ARFGAP1: variants seen among roughly 807,000 people sequenced by gnomAD.
ARFGAP1 encodes ADP-ribosylation factor GTPase-activating protein 1.
In ARFGAP1, 26 loss-of-function variants were observed where a neutral mutation model predicts 54.0. The ratio of observed to expected loss-of-function variants is 0.48; its 90% CI spans 0.35 to 0.67. ARFGAP1 has a LOEUF of 0.67. Among genes scored for constraint, ARFGAP1 ranks in the 30% least tolerant of loss-of-function variants. The pLI is 0.00. For synonymous variants in ARFGAP1, 248 were observed against 211.9 expected, an observed-to-expected ratio of 1.17 and a Z score of -1.48; for missense variants, 525 against 535.8, an observed-to-expected ratio of 0.98 and a Z score of 0.20.
chr20:63,285,025 A>G, intron 10 of ARFGAP1, 103 bp downstream of exon 10: 4 of 1,378,710 alleles, frequency 2.9e-6, no homozygotes, highest in Non-Finnish European at 4.0e-6. Context: ...GCTGGGACTC[A>G]GCGAGGCCAA....
intron 9 of ARFGAP1, chr20:63,283,198 TGG>T: frequency 2.4e-6 from 1 of 412,444 alleles, no homozygotes; most frequent in South Asian, 2.9e-5. Context: ...AGGGCCGCTG[TGG>T]TTGGTGCTGT....
In ARFGAP1 at chr20:63,276,636, C is replaced by T. The variant is rs774162760; in HGVS notation, c.327C>T (p.Ala109=). 6 of 1,610,686 alleles carry T rather than the reference C, an allele frequency of 3.7e-6. No individual in the cohort carries two copies. In the East Asian group the frequency reaches 8.9e-5, roughly 24 times the overall value. The change falls in exon 4 of 13, where the codon GCC becomes GCT. Residue 109 remains alanine (A), a synonymous_variant. Coordinates refer to ENST00000370283, the MANE Select transcript of ARFGAP1 (RefSeq NM_018209.4). This position sits in a 1 kb window ranked among gnomAD's most constrained non-coding sequence, Gnocchi z 5.2. The part of the protein sequence containing the change: ...LQEKYNSRAA[A]LFRDKVVALA... ...AGAAGTACAACAGCAGAGCCGCGGC[C>T]CTCTTTAGGGATAAGGTAGAGATGG...
rs776744517 is a variant in ARFGAP1 at position 63,282,871 on chromosome 20, T to A, written c.717+20T>A. ...CAGAAGGTAACAGAGGAGAAGCTTC[T>A]GCACCCTGGTGCATCTGAAACTATC... On this transcript the variant is annotated intron_variant, in intron 9 of 12. Transcript: ENST00000370283. 6.2e-7 allele frequency: 1 copy of A among 1,613,786 alleles called. No homozygotes were observed. The highest frequency in any genetic ancestry group is 1.7e-5 in the Admixed American group (1 of 60,024).
In ARFGAP1 at chr20:63,288,431, C is replaced by CTG. The variant is rs1247598941; in HGVS notation, c.*560_*561dup. On this transcript the variant is annotated 3_prime_UTR_variant, in exon 13 of 13. Coordinates refer to ENST00000370283, the MANE Select transcript of ARFGAP1 (RefSeq NM_018209.4). ...GAGTCCACGCCTGCCTGGGCCTGTG[C>CTG]TGTCAGACCCGCGTCGGTCGTAACC... 1 of 456,080 alleles carries CTG rather than the reference C, an allele frequency of 2.2e-6. No individual in the cohort carries two copies. Among genetic ancestry groups the CTG allele is most frequent in the Non-Finnish European group, 4.4e-6 (1 of 226,856 alleles). 28.3% of individuals were successfully genotyped at this position (456,080 alleles called of 1,614,324 possible). A position where few individuals can be genotyped will look rare whatever the true frequency, so the allele number is the denominator to read the frequency against.
chr20:63,275,655 C>A lies in ARFGAP1; in HGVS notation c.60+15C>A, dbSNP rs1331626022. 1 of 1,612,288 alleles carries A rather than the reference C, an allele frequency of 6.2e-7. No individual in the cohort carries two copies. Among genetic ancestry groups the A allele is most frequent in the African/African-American group, 1.3e-5 (1 of 74,804 alleles). ...ATGAGAACAACGTAAGCCTCTGCCC[C>A]CCACCCCCCGCCCTAAGGCTTGGTC... is the stretch of plus-strand genomic sequence containing the variant. On this transcript the variant is annotated intron_variant, in intron 2 of 12. Transcript: ENST00000370283.
At chr20:63,283,010 C>A in intron 9 of ARFGAP1, 159 bp downstream of exon 9, 1 of 781,164 alleles carries the variant, frequency 1.3e-6, no homozygotes, top group Non-Finnish European at 2.1e-6. Context: ...CATGCTGTTC[C>A]CCTCCTCATG....
At chr20:63,279,122 C>T (rs1189655806) in intron 7 of ARFGAP1, 127 bp downstream of exon 7, 4 of 939,396 alleles carry the variant, frequency 4.3e-6, no homozygotes, top group Non-Finnish European at 6.7e-6. Context: ...CTAAGGACCC[C>T]TCCCTTACCT....
At position 63,282,857 on chromosome 20, in the gene ARFGAP1, A is replaced by G; in HGVS notation, c.717+6A>G. ...GATCCCAAGCGAGTCAGAAGGTAAC[A>G]GAGGAGAAGCTTCTGCACCCTGGTG... On this transcript the variant is annotated splice_donor_region_variant and intron_variant, in intron 9 of 12. Coordinates refer to ENST00000370283, the MANE Select transcript of ARFGAP1 (RefSeq NM_018209.4). The G allele has an allele frequency of 2.5e-6, 4 of 1,614,048 alleles. No homozygotes were observed. Among genetic ancestry groups the G allele is most frequent in the Non-Finnish European group, 3.4e-6 (4 of 1,179,996 alleles).
In ARFGAP1 at chr20:63,287,963, G is replaced by A; in HGVS notation, c.*90G>A. 1 of 1,376,292 alleles carries A rather than the reference G, an allele frequency of 7.3e-7. No homozygotes were observed. The highest frequency in any genetic ancestry group is 9.6e-7 in the Non-Finnish European group (1 of 1,040,514). 85.3% of individuals were successfully genotyped at this position (1,376,292 alleles called of 1,614,324 possible). ...TTCCTCCTCCTTCCATTTGACCCAA[G>A]AATCAGCAACTGCAGTGTGAGGACA... On this transcript the variant is annotated 3_prime_UTR_variant, in exon 13 of 13. Coordinates refer to ENST00000370283, the MANE Select transcript of ARFGAP1 (RefSeq NM_018209.4).
intron 7 of ARFGAP1, 182 bp downstream of exon 7, chr20:63,279,177 C>G (rs1029982314): frequency 7.1e-6 from 5 of 699,398 alleles, no homozygotes; most frequent in Non-Finnish European, 1.3e-5. Context: ...TTTTTCAGAT[C>G]CCAAATGTAT....
At chr20:63,286,330 A>T (rs2067544055) in intron 11 of ARFGAP1, 36 bp from the exon 12 acceptor site, 18 of 1,608,952 alleles carry the variant, frequency 1.1e-5, no homozygotes, top group Non-Finnish European at 1.5e-5. Flanking sequence ...GTGCCGCGAC[A>T]GGGCCTGCCT....
chr20:63,281,468 G>A, intron 8 of ARFGAP1, 121 bp downstream of exon 8: 4 of 1,254,436 alleles, frequency 3.2e-6, no homozygotes, highest in South Asian at 2.7e-5. Context: ...TCTGGGTGCT[G>A]TAACCATGGG....
rs1280390369 is a variant in ARFGAP1 at position 63,276,413 on chromosome 20, T to C, written c.171-67T>C. ...TTGCTGTGTCTAATTCTCAGGACGA[T>C]GCTGGGTGGAGGGTGTCCCTGGGTG... is the stretch of plus-strand genomic sequence containing the variant. On this transcript the variant is annotated intron_variant, in intron 3 of 12. Transcript: ENST00000370283. This position sits in a 1 kb window ranked among gnomAD's most constrained non-coding sequence, Gnocchi z 5.2. 6.4e-7 allele frequency: 1 copy of C among 1,558,536 alleles called. No homozygotes were observed. Among genetic ancestry groups the C allele is most frequent in the Non-Finnish European group, 8.7e-7 (1 of 1,147,270 alleles).
At chr20:63,275,093 C>CA (rs2067199300) in intron 1 of ARFGAP1, among the ~76,000 whole-genome samples, 1 of 152,154 alleles carries the variant, frequency 6.6e-6, no homozygotes, top group African/African-American at 2.4e-5. Flanking sequence ...CCCTGCACTG[C>CA]GTTGGGAAGG....
chr20:63,277,286 C>A lies in ARFGAP1; in HGVS notation c.424C>A (p.Leu142Met). 6.2e-7 allele frequency: 1 copy of A among 1,612,852 alleles called. No individual in the cohort carries two copies. Among genetic ancestry groups the A allele is most frequent in the Non-Finnish European group, 8.5e-7 (1 of 1,179,878 alleles). ...QNWTPPQPRT[L>M]PSMVHRVSGQ... The stretch of plus-strand genomic sequence containing the variant: ...CTGGACCCCACCTCAGCCCAGGACG[C>A]TGCCGTCCATGGTGCACCGGTAGCT... Residue 142 changes from leucine to methionine, a missense_variant, in exon 5 of 13, where the codon CTG becomes ATG. By Grantham distance (15) the Leu-to-Met change is conservative (BLOSUM62 2). Around this residue, in one of 3 missense-constraint regions of ARFGAP1, gnomAD observed 466 missense variants for 453.6 expected, o/e 1.03. Coordinates refer to ENST00000370283, the MANE Select transcript of ARFGAP1 (RefSeq NM_018209.4).
chr20:63,284,589 G>A (rs774188009), intron 9 of ARFGAP1: 128 of 1,310,104 alleles, frequency 9.8e-5, no homozygotes, highest in Middle Eastern at 4.1e-4. Flanking sequence ...AGCCCGGCCC[G>A]GCAGGGCCGC....
In ARFGAP1 at chr20:63,287,570, G is replaced by T; in HGVS notation, c.918G>T (p.Ser306=). The part of the protein sequence containing the change: ...GKAEGPLDSP[S]EGHSYQNSGL... ...CCTTCTGTCTCTTTAAAAGCCCCTC[G>T]GAGGGCCACAGTTATCAGAACAGCG... is the stretch of plus-strand genomic sequence containing the variant. The change falls in exon 13 of 13, where the codon TCG becomes TCT. Residue 306 remains serine (S), a synonymous_variant. Transcript: ENST00000370283. 6.3e-7 allele frequency: 1 copy of T among 1,586,090 alleles called. No individual in the cohort carries two copies. Among genetic ancestry groups the T allele is most frequent in the Non-Finnish European group, 8.6e-7 (1 of 1,161,824 alleles).
In ARFGAP1 at chr20:63,278,992, C is replaced by T; in HGVS notation, c.624C>T (p.Tyr208=). Reference sequence around the variant, plus strand: ...TCAACAACGCCATGTCCTCCCTGTACTCGGTGAGGACTTGGCCCTGCAGAG... The same window carrying T: ...TCAACAACGCCATGTCCTCCCTGTATTCGGTGAGGACTTGGCCCTGCAGAG... ...DFLNNAMSSL[Y]SGWSSFTTGA... is the part of the protein sequence containing the mutation. Residue 208 remains tyrosine, a synonymous_variant, in exon 7 of 13, where the codon TAC becomes TAT. Transcript: ENST00000370283. The T allele has an allele frequency of 6.2e-7, 1 of 1,613,798 alleles. No homozygotes were observed. Among genetic ancestry groups the T allele is most frequent in the African/African-American group, 1.3e-5 (1 of 75,054 alleles).
At chr20:63,284,817 G>C (rs368304656) in intron 9 of ARFGAP1, 49 bp from the exon 10 acceptor site, 1 of 1,608,120 alleles carries the variant, frequency 6.2e-7, no homozygotes, top group Admixed American at 1.7e-5. Flanking sequence ...GCCGACCCGT[G>C]TCCCGTGGTG....
Sources: allele counts gnomAD v4.1 joint callset (sites outside exome capture counted in the v4.1 genomes callset), GRCh38; gene constraint gnomAD v4.1.1; regional missense constraint gnomAD v4.1.1; non-coding constraint Gnocchi (gnomAD v3.1); transcripts MANE v1.5; gene names NCBI Gene and HGNC (gene_info 2026-07-23, HGNC 2026-07-21).